The following KMT2E variants were observed in gnomAD, a reference collection of about 807,000 sequenced individuals.
The protein encoded by KMT2E is lysine methyltransferase 2E (inactive).
In KMT2E, 30 loss-of-function variants were observed where a neutral mutation model predicts 184.6. That is an observed-to-expected ratio of 0.16 (90% CI 0.12 to 0.22). The LOEUF is 0.22. Among genes scored for constraint, KMT2E ranks in the 10% least tolerant of loss-of-function variants. KMT2E has a pLI of 1.00. For missense variants in KMT2E, 2,023 were observed against 2,237.4 expected, an observed-to-expected ratio of 0.90 and a Z score of 1.93; for synonymous variants, 815 against 776.5, an observed-to-expected ratio of 1.05 and a Z score of -0.82.
intron 6 of KMT2E, among the ~76,000 whole-genome samples, chr7:105,070,084 G>A (rs553967024): frequency 1.3e-5 from 2 of 152,194 alleles, no homozygotes; most frequent in East Asian, 1.9e-4. Context: ...TTCACCCATT[G>A]AAGACCATTT....
chr7:105,093,453 G>C (rs894692873), intron 15 of KMT2E, among the ~76,000 whole-genome samples: 2 of 152,206 alleles, frequency 1.3e-5, no homozygotes, highest in African/African-American at 4.8e-5. Context: ...AGGCCGAGAC[G>C]GGTGGATCAT....
At chr7:105,038,101 A>T (rs1795737307) in intron 1 of KMT2E, 25 bp from the exon 2 acceptor site, 1 of 151,824 alleles carries the variant, frequency 6.6e-6, no homozygotes, top group South Asian at 2.1e-4. Context: ...ATAGCTCAAA[A>T]CTCCTATGTT....
In KMT2E at chr7:105,060,240, G is replaced by A. The variant is rs139009194; in HGVS notation, c.72-1924G>A. On this transcript the variant is annotated intron_variant, in intron 3 of 26. Coordinates refer to ENST00000311117, the MANE Select transcript of KMT2E (RefSeq NM_182931.3). ...GAACTCCTGACCTTGTGATCCACCC[G>A]CCTCTGCCTCCCAAAGTGCTGGGAT... Among the ~76,000 whole-genome samples, 557 of 151,706 alleles carry A rather than the reference G, an allele frequency of 3.7e-3. 1 individual carries two copies. The highest frequency in any genetic ancestry group is 0.013 in the African/African-American group (527 of 41,376).
intron 1 of KMT2E, among the ~76,000 whole-genome samples, chr7:105,026,847 C>T (rs148603482): frequency 6.6e-6 from 1 of 152,180 alleles, no homozygotes; most frequent in East Asian, 1.9e-4. Context: ...GAGATTTTGT[C>T]GACATAGCTT....
rs199714660 is a variant in KMT2E, at chr7:105,076,014, A to G, written c.730-29A>G. On this transcript the variant is annotated intron_variant, in intron 8 of 26. Coordinates refer to ENST00000311117, the MANE Select transcript of KMT2E (RefSeq NM_182931.3). Reference sequence around the variant, plus strand: ...ATTAATTATGTCCAGTTTTTTAGGAAACTAACTAGAATTCCATGTTTATTT... The same window carrying G: ...ATTAATTATGTCCAGTTTTTTAGGAGACTAACTAGAATTCCATGTTTATTT... The G allele has an allele frequency of 1.2e-4, 181 of 1,552,994 alleles. 1 individual carries two copies. The African/African-American group carries it at 1.9e-3, about 17-fold the overall frequency.
chr7:105,040,349 C>T (rs955322448), intron 2 of KMT2E, among the ~76,000 whole-genome samples: 1 of 152,078 alleles, frequency 6.6e-6, no homozygotes, highest in African/African-American at 2.4e-5. Flanking sequence ...TTACACAGTG[C>T]TTTTCGGTAT....
intron 1 of KMT2E, among the ~76,000 whole-genome samples, chr7:105,022,374 T>C (rs1794990140): frequency 6.6e-6 from 1 of 152,160 alleles, no homozygotes; most frequent in South Asian, 2.1e-4. Flanking sequence ...TATATATTGC[T>C]CCTCAGTTTG....
chr7:105,063,427 A>G lies in KMT2E; in HGVS notation c.263A>G (p.Glu88Gly), dbSNP rs1417049068. 6.2e-7 allele frequency: 1 copy of G among 1,613,892 alleles called. No homozygotes were observed. Among genetic ancestry groups the G allele is most frequent in the East Asian group, 2.2e-5 (1 of 44,880 alleles). The change falls in exon 5 of 27, where the codon GAA (glutamate) becomes GGA (glycine). Residue 88 changes from glutamate (E) to glycine (G), a missense_variant. Transcript: ENST00000311117. The part of the protein sequence containing the change: ...PPPSVLISKN[E>G]VGIFTTPNFD... ...CCATCAGTCCTTATTAGCAAAAATGAAGTAGGCATATTTACCACTCCTAAT... is the reference window on the plus strand; with the variant it reads ...CCATCAGTCCTTATTAGCAAAAATGGAGTAGGCATATTTACCACTCCTAAT...
chr7:105,108,429 G>C, intron 22 of KMT2E: 1 of 334,570 alleles, frequency 3.0e-6, no homozygotes, highest in East Asian at 7.5e-5. Flanking sequence ...CAGACATACT[G>C]AGATAATTAG....
intron 3 of KMT2E, among the ~76,000 whole-genome samples, chr7:105,050,973 T>A (rs1219791049): frequency 6.6e-6 from 1 of 151,938 alleles, no homozygotes; most frequent in Non-Finnish European, 1.5e-5. Flanking sequence ...GTGGTCCACC[T>A]GCCTCGGCCT....
At position 105,114,293 on chromosome 7, in the gene KMT2E, A is replaced by AAATT. The variant is rs773996078; in HGVS notation, c.*963_*966dup. On this transcript the variant is annotated 3_prime_UTR_variant, in exon 27 of 27. Transcript: ENST00000311117. ...AACTACTGAAATGATTGTGCTGGGT[A>AAATT]AATTAAGGATCTGGCATCATACAAA... The AAATT allele has an allele frequency of 5.3e-5, 8 of 152,348 alleles. No homozygotes were observed. Among genetic ancestry groups the AAATT allele is most frequent in the South Asian group, 2.1e-4 (1 of 4,832 alleles). 9.4% of individuals were successfully genotyped at this position (152,348 alleles called of 1,614,324 possible). A position where few individuals can be genotyped will look rare whatever the true frequency, so the allele number is the denominator to read the frequency against.
chr7:105,107,832 C>G lies in KMT2E; in HGVS notation c.3375C>G (p.Ser1125=), dbSNP rs201897826. The change falls in exon 22 of 27, where the codon TCC becomes TCG. Residue 1125 remains serine (S), a synonymous_variant. Transcript: ENST00000311117. ...MFMETTVFCT[S]EDGLVSGFGR... ...TGGAAACAACTGTGTTTTGTACTTC[C>G]GAAGATGGGCTTGTATCTGGTTTCG... 1 of 1,614,002 alleles carries G rather than the reference C, an allele frequency of 6.2e-7. No homozygotes were observed. The highest frequency in any genetic ancestry group is 1.1e-5 in the South Asian group (1 of 91,078).
chr7:105,111,802 T>C (rs922039819), intron 26 of KMT2E, 23 bp from the exon 27 acceptor site: 1 of 1,584,042 alleles, frequency 6.3e-7, no homozygotes, highest in East Asian at 2.2e-5. Context: ...CTTGAATGTA[T>C]ATAATTTGTT....
rs760869467 is a variant in KMT2E, at chr7:105,105,860, G to T, written c.2453G>T (p.Arg818Leu). The change falls in exon 19 of 27, where the codon CGA (arginine) becomes CTA (leucine). Residue 818 changes from arginine to leucine, a missense_variant and splice_region_variant. Physicochemically the swap from Arg to Leu is moderately radical, Grantham distance 102. Coordinates refer to ENST00000311117, the MANE Select transcript of KMT2E (RefSeq NM_182931.3). Reference protein sequence around the residue: ...TENISGSCKKRWLKQALEEEN... With the variant: ...TENISGSCKKLWLKQALEEEN... ...ATTCATGTATTCTGTTTTATTCAGC[G>T]ATGGTTGAAACAAGCTCTGGAAGAA... is the stretch of plus-strand genomic sequence containing the variant. 7.5e-6 allele frequency: 12 copies of T among 1,610,456 alleles called. No homozygotes were observed.
At chr7:105,049,238 A>G (rs1388392693) in intron 3 of KMT2E, among the ~76,000 whole-genome samples, 1 of 151,930 alleles carries the variant, frequency 6.6e-6, no homozygotes, top group East Asian at 1.9e-4. Context: ...TGAGCCCAAG[A>G]ATTCAAGACT....
chr7:105,063,989 A>G (rs1345675315), intron 5 of KMT2E: 3 of 454,632 alleles, frequency 6.6e-6, no homozygotes, highest in Admixed American at 4.8e-5. Context: ...TGTTTGTTTG[A>G]CCTGACTCTC....
intron 1 of KMT2E, among the ~76,000 whole-genome samples, chr7:105,021,972 G>A (rs1794974882): frequency 2.0e-5 from 3 of 152,060 alleles, no homozygotes; most frequent in Admixed American, 2.0e-4. Flanking sequence ...AAGATCACCG[G>A]ACTTGTGACA....
At chr7:105,111,030 GTTC>G (rs967059069) in intron 26 of KMT2E, 162 bp downstream of exon 26, 5 of 604,774 alleles carry the variant, frequency 8.3e-6, no homozygotes, top group African/African-American at 5.6e-5. Context: ...ACTACTGTTT[GTTC>G]TTCTTACTGA....
At chr7:105,021,897 A>C (rs1265011974) in intron 1 of KMT2E, among the ~76,000 whole-genome samples, 1 of 152,176 alleles carries the variant, frequency 6.6e-6, no homozygotes, top group African/African-American at 2.4e-5. Flanking sequence ...TTTAACTTAA[A>C]AATAATGTAA....
Sources: gnomAD v4.1 joint callset for allele counts (sites outside exome capture counted in the v4.1 genomes callset) on GRCh38, gnomAD v4.1.1 for gene constraint, MANE v1.5 for transcripts, NCBI Gene and HGNC (gene_info 2026-07-23, HGNC 2026-07-21) for gene names.